DDB2: variants seen among roughly 807,000 people sequenced by gnomAD.
DDB2 encodes DNA damage-binding protein 2.
In DDB2, 27 loss-of-function variants were observed where a neutral mutation model predicts 50.5. That is an observed-to-expected ratio of 0.53 (90% CI 0.39 to 0.74). The LOEUF (loss-of-function observed/expected upper bound fraction) is 0.74, where lower values mean the gene tolerates loss of function less well. Among genes scored for constraint, DDB2 ranks in the 30% least tolerant of loss-of-function variants. The pLI, the probability that DDB2 is intolerant of heterozygous loss-of-function variation, is 0.00. For synonymous variants in DDB2, 176 were observed against 205.5 expected, an observed-to-expected ratio of 0.86 and a Z score of 1.23; for missense variants, 424 against 545.6, an observed-to-expected ratio of 0.78 and a Z score of 2.22.
At position 47,237,907 on chromosome 11, in the gene DDB2, C is replaced by T; in HGVS notation, c.1094C>T (p.Thr365Ile). The T allele has an allele frequency of 6.2e-7, 1 of 1,614,096 alleles. No individual in the cohort carries two copies. Among genetic ancestry groups the T allele is most frequent in the South Asian group, 1.1e-5 (1 of 91,072 alleles). Residue 365 changes from threonine to isoleucine, a missense_variant, in exon 8 of 10, where the codon ACC becomes ATC. Physicochemically the swap from Thr to Ile is moderately conservative, Grantham distance 89. Transcript: ENST00000256996. Reference protein sequence around the residue: ...RYPDPNFKSCTPYELRTIDVF... With the variant: ...RYPDPNFKSCIPYELRTIDVF... ...CCAGATCCTAATTTCAAAAGTTGTA[C>T]CCCTTATGAATTGAGGACGATCGAC...
chr11:47,232,708 C>T (rs936189466), intron 3 of DDB2, 106 bp from the exon 4 acceptor site: 19 of 1,239,034 alleles, frequency 1.5e-5, no homozygotes, highest in Non-Finnish European at 2.1e-5. Flanking sequence ...TGGCCCCAAG[C>T]GCTGCTCGAG....
chr11:47,223,596 C>G (rs890208599), intron 3 of DDB2, among the ~76,000 whole-genome samples: 12 of 151,842 alleles, frequency 7.9e-5, no homozygotes, highest in African/African-American at 2.9e-4. Context: ...CTGGCTAACA[C>G]GGTGAAACCC....
At position 47,237,994 on chromosome 11, in the gene DDB2, T is replaced by C. The variant is rs1461174803; in HGVS notation, c.1181T>C (p.Ile394Thr). Residue 394 changes from isoleucine (I) to threonine (T), a missense_variant, in exon 8 of 10, where the codon ATC becomes ACC. Transcript: ENST00000256996. ...CTCTATGACCCAGAATCTTCTGGCA[T>C]CAGTTCGGTGAGGCTTGGGTCCTCA... ...CQLYDPESSG[I>T]SSLNEFNPMG... 1 of 1,614,070 alleles carries C rather than the reference T, an allele frequency of 6.2e-7. No individual in the cohort carries two copies. The highest frequency in any genetic ancestry group is 1.3e-5 in the African/African-American group (1 of 74,926).
Position 47,238,947 on chromosome 11 carries a change from G to A in DDB2, c.*98G>A, listed in dbSNP as rs1260860721. On this transcript the variant is annotated 3_prime_UTR_variant, in exon 10 of 10. Transcript: ENST00000256996. ...GTGGCGATTTGTTAAAGGGCCAAAAGTATCCAAGGTTAGGGTTGGAGCAGG... is the reference window on the plus strand; with the variant it reads ...GTGGCGATTTGTTAAAGGGCCAAAAATATCCAAGGTTAGGGTTGGAGCAGG... 7.6e-7 allele frequency: 1 copy of A among 1,319,158 alleles called. No homozygotes were observed. Among genetic ancestry groups the A allele is most frequent in the Admixed American group, 1.9e-5 (1 of 53,664 alleles). 81.7% of individuals were successfully genotyped at this position (1,319,158 alleles called of 1,614,324 possible). A position where few individuals can be genotyped will look rare whatever the true frequency, so the allele number is the denominator to read the frequency against.
In DDB2 at chr11:47,215,017, G is replaced by C. The variant is rs4647707; in HGVS notation, c.-120G>C. 8 of 1,493,144 alleles carry C rather than the reference G, an allele frequency of 5.4e-6. No homozygotes were observed. Among genetic ancestry groups the C allele is most frequent in the Non-Finnish European group, 7.4e-6 (8 of 1,076,352 alleles). 92.5% of individuals were successfully genotyped at this position (1,493,144 alleles called of 1,614,324 possible). ...GCATGTTTGGCGGGAAGTTGGCTTA[G>C]CTCGGCTACCTGTGGCCCCGCAGTT... On this transcript the variant is annotated 5_prime_UTR_variant, in exon 1 of 10. It removes the in-frame stop codon of an upstream open reading frame in the 5' UTR. Coordinates refer to ENST00000256996, the MANE Select transcript of DDB2 (RefSeq NM_000107.3).
chr11:47,214,812 G>T, upstream of DDB2: 3 of 417,072 alleles, frequency 7.2e-6, no homozygotes, highest in Middle Eastern at 7.3e-4. Context: ...GACCATCTTT[G>T]CTCCAGGGAG....
Position 47,237,996 on chromosome 11 carries a change from A to G in DDB2, c.1183A>G (p.Ser395Gly). The G allele has an allele frequency of 6.2e-7, 1 of 1,614,224 alleles. No individual in the cohort carries two copies. The highest frequency in any genetic ancestry group is 8.5e-7 in the Non-Finnish European group (1 of 1,180,040). Residue 395 changes from serine to glycine, a missense_variant, in exon 8 of 10, where the codon AGT becomes GGT. Transcript: ENST00000256996. ...CTATGACCCAGAATCTTCTGGCATC[A>G]GTTCGGTGAGGCTTGGGTCCTCAAA... ...QLYDPESSGI[S>G]SLNEFNPMGD... is the part of the protein sequence containing the mutation.
At chr11:47,237,597 A>ATT in intron 7 of DDB2, 1 of 416,484 alleles carries the variant, frequency 2.4e-6, no homozygotes, top group East Asian at 5.0e-5. Context: ...CGCCCAGCTA[A>ATT]TTTTTTTTTT....
chr11:47,232,281 T>C (rs942393199), intron 3 of DDB2, among the ~76,000 whole-genome samples: 2 of 151,150 alleles, frequency 1.3e-5, no homozygotes, highest in African/African-American at 2.4e-5. Context: ...AAGGCAGAGG[T>C]TGCAGTGAGC....
intron 3 of DDB2, among the ~76,000 whole-genome samples, chr11:47,228,955 T>TCA (rs1953601069): frequency 1.1e-4 from 1 of 9,142 alleles, no homozygotes; most frequent in Admixed American, 2.1e-3. Flanking sequence ...AGACTCCATC[T>TCA]CAAAAAAAAA....
chr11:47,235,477 C>A, intron 7 of DDB2, 65 bp downstream of exon 7: 1 of 1,554,100 alleles, frequency 6.4e-7, no homozygotes, highest in Non-Finnish European at 8.7e-7. Context: ...GCAGGTCTGC[C>A]CACAGTGGGG....
At chr11:47,223,487 A>C (rs2135494157) in intron 3 of DDB2, among the ~76,000 whole-genome samples, 1 of 151,794 alleles carries the variant, frequency 6.6e-6, no homozygotes, top group East Asian at 1.9e-4. Context: ...TGTCTCAAAA[A>C]TAAATAAATA....
At chr11:47,230,363 A>G (rs1953629995) in intron 3 of DDB2, among the ~76,000 whole-genome samples, 1 of 152,156 alleles carries the variant, frequency 6.6e-6, no homozygotes, top group Non-Finnish European at 1.5e-5. Context: ...GCCAATAGCT[A>G]TTATTTTTGC....
rs375649516 is a variant in DDB2 at position 47,237,939 on chromosome 11, G to A, written c.1126G>A (p.Asp376Asn). 7.5e-5 allele frequency: 121 copies of A among 1,614,020 alleles called. No homozygotes were observed. The highest frequency in any genetic ancestry group is 9.6e-5 in the Non-Finnish European group (113 of 1,180,040). The change falls in exon 8 of 10, where the codon GAT becomes AAT. Residue 376 changes from aspartate (D) to asparagine (N), a missense_variant. Asp to Asn is a conservative substitution (Grantham distance 23, BLOSUM62 1). Transcript: ENST00000256996. ...PYELRTIDVF[D>N]GNSGKMMCQL... is the part of the protein sequence containing the mutation. ...TGAATTGAGGACGATCGACGTGTTC[G>A]ATGGAAACTCAGGGAAGATGATGTG...
intron 3 of DDB2, among the ~76,000 whole-genome samples, chr11:47,227,424 T>A (rs1305203607): frequency 6.6e-6 from 1 of 151,960 alleles, no homozygotes; most frequent in Non-Finnish European, 1.5e-5. Context: ...TAACCTCTTA[T>A]CAGATCTATG....
In DDB2 at chr11:47,232,909, A is replaced by C. The variant is rs1178168577; in HGVS notation, c.552A>C (p.Gln184His). ...CAATGGAGGGAACAACTAGGCTGCAAGACTTTAAAGGCAACATTCTACGAG... is the reference window on the plus strand; with the variant it reads ...CAATGGAGGGAACAACTAGGCTGCACGACTTTAAAGGCAACATTCTACGAG... ...ASSMEGTTRL[Q>H]DFKGNILRVF... is the part of the protein sequence containing the mutation. Residue 184 changes from glutamine (Q) to histidine (H), a missense_variant, in exon 4 of 10, where the codon CAA (glutamine) becomes CAC (histidine). Physicochemically the swap from Gln to His is conservative, Grantham distance 24. Coordinates refer to ENST00000256996, the MANE Select transcript of DDB2 (RefSeq NM_000107.3). The C allele has an allele frequency of 1.2e-6, 2 of 1,614,218 alleles. No individual in the cohort carries two copies. The highest frequency in any genetic ancestry group is 1.7e-6 in the Non-Finnish European group (2 of 1,180,030).
chr11:47,232,756 C>T, intron 3 of DDB2, 58 bp from the exon 4 acceptor site: 1 of 1,604,366 alleles, frequency 6.2e-7, no homozygotes, highest in East Asian at 2.2e-5. Context: ...GTGCCCAGGC[C>T]TGGTTCCTCA....
chr11:47,231,919 T>G (rs1953655172), intron 3 of DDB2, among the ~76,000 whole-genome samples: 1 of 152,206 alleles, frequency 6.6e-6, no homozygotes, highest in Admixed American at 6.5e-5. Context: ...GTTTTTGGGC[T>G]GTTGCAAATG....
At position 47,234,612 on chromosome 11, in the gene DDB2, A is replaced by T. The variant is rs761285630; in HGVS notation, c.642A>T (p.Arg214=). 5.6e-6 allele frequency: 9 copies of T among 1,614,142 alleles called. No homozygotes were observed. In the East Asian group the frequency reaches 2.0e-4, roughly 36 times the overall value. Residue 214 remains arginine (R), a synonymous_variant, in exon 5 of 10, where the codon CGA becomes CGT. Transcript: ENST00000256996. ...FCSLDVSASS[R]MVVTGDNVGN... ...GCCTGGATGTGTCTGCTAGTAGCCGAATGGTGGTCACAGGAGACAACGTGG... is the reference window on the plus strand; with the variant it reads ...GCCTGGATGTGTCTGCTAGTAGCCGTATGGTGGTCACAGGAGACAACGTGG...
Sources: allele counts gnomAD v4.1 joint callset (sites outside exome capture counted in the v4.1 genomes callset), GRCh38; gene constraint gnomAD v4.1.1; transcripts MANE v1.5; gene names NCBI Gene and HGNC (gene_info 2026-07-23, HGNC 2026-07-21).